Variants in CNOT4 observed in about 807,000 individuals in gnomAD.
CNOT4 encodes CCR4-associated factor 4.
CNOT4 carries 8 observed loss-of-function variants against 73.8 expected under a neutral mutation model. The ratio of observed to expected loss-of-function variants is 0.11; its 90% CI spans 0.06 to 0.20. CNOT4 has a LOEUF of 0.20. CNOT4 is among the 10% of genes least tolerant of loss of function. The probability of loss-of-function intolerance (pLI) is 1.00; values close to 1 mark genes in which losing one functional copy is unlikely to be tolerated. For synonymous variants in CNOT4, 293 were observed against 321.1 expected (o/e 0.91, Z 0.94); for missense variants, 564 against 883.4 (o/e 0.64, Z 4.58).
chr7:135,389,227 T>TC (rs201663873), intron 10 of CNOT4, among the ~76,000 whole-genome samples: 1 of 147,186 alleles, frequency 6.8e-6, no homozygotes, highest in South Asian at 2.2e-4. Context: ...TTATAGATAC[T>TC]CCTAGTAAAT....
rs150732630 is a variant in CNOT4, at chr7:135,413,696, A to C, written c.562-83T>G. On this transcript the variant is annotated intron_variant, in intron 5 of 11. Coordinates refer to ENST00000541284, the MANE Select transcript of CNOT4 (RefSeq NM_001190850.2). The stretch of plus-strand genomic sequence containing the variant: ...GAGAATCTCCATGTTTAGTGTTTTC[A>C]AGTCACCTAAAATGAGGCACAAACA... The C allele has an allele frequency of 6.1e-4, 846 of 1,395,366 alleles. 4 individuals are homozygous for C. The African/African-American group carries it at 0.011, about 18-fold the overall frequency. The allele number at this position is 1,395,366 out of a possible 1,614,324, so 86.4% of individuals were successfully genotyped here.
intron 1 of CNOT4, 184 bp downstream of exon 1, chr7:135,509,705 G>A: frequency 4.3e-6 from 1 of 233,394 alleles, no homozygotes; most frequent in Non-Finnish European, 8.3e-6. Flanking sequence ...GGTAACTGCT[G>A]TGGCGTAAAG....
intron 7 of CNOT4, among the ~76,000 whole-genome samples, chr7:135,406,805 A>G (rs955099107): frequency 6.6e-6 from 1 of 152,174 alleles, no homozygotes; most frequent in African/African-American, 2.4e-5. Context: ...CCTGCTACCA[A>G]AACAGTTATG....
At chr7:135,441,669 A>G (rs1328220475) in intron 1 of CNOT4, among the ~76,000 whole-genome samples, 2 of 152,210 alleles carry the variant, frequency 1.3e-5, no homozygotes, top group Admixed American at 6.5e-5. Flanking sequence ...TAGTGAAATA[A>G]TTTATGGAAT....
intron 1 of CNOT4, among the ~76,000 whole-genome samples, chr7:135,449,702 T>C (rs920146532): frequency 1.3e-5 from 2 of 151,978 alleles, no homozygotes; most frequent in Admixed American, 6.6e-5. Context: ...ATAACAACCC[T>C]GAAAAAATGA....
At chr7:135,483,968 C>T (rs879722953) in intron 1 of CNOT4, among the ~76,000 whole-genome samples, 17 of 152,056 alleles carry the variant, frequency 1.1e-4, no homozygotes, top group Non-Finnish European at 1.6e-4. Flanking sequence ...CCAAGGTAGG[C>T]GGATCACTTG....
At chr7:135,464,444 A>G (rs538930166) in intron 1 of CNOT4, among the ~76,000 whole-genome samples, 1 of 152,360 alleles carries the variant, frequency 6.6e-6, no homozygotes, top group South Asian at 2.1e-4. Flanking sequence ...CAGACAGCCA[A>G]ATACTGCATG....
intron 2 of CNOT4, among the ~76,000 whole-genome samples, chr7:135,424,085 ACACAC>A (rs1798357604): frequency 7.9e-6 from 1 of 126,434 alleles, no homozygotes; most frequent in Non-Finnish European, 1.7e-5. Context: ...ACACACACAC[ACACAC>A]ATTTTTTATT....
chr7:135,386,414 A>G (rs1366012092), intron 10 of CNOT4: 2 of 152,186 alleles, frequency 1.3e-5, no homozygotes, highest in Non-Finnish European at 2.9e-5. Context: ...TTTAACAACA[A>G]CAACAAAAAA....
Position 135,446,609 on chromosome 7 carries a change from A to C in CNOT4, c.-92-8186T>G, listed in dbSNP as rs115071728. Among the ~76,000 whole-genome samples, 965 of 152,254 alleles carry C rather than the reference A, an allele frequency of 6.3e-3. 16 individuals carry two copies. The highest frequency in any genetic ancestry group is 0.022 in the African/African-American group (902 of 41,546). The stretch of plus-strand genomic sequence containing the variant: ...ATATGTAGCTAGTGCAAGTCCACTG[A>C]ATACAGTTACACAGAAATAATACTC... On this transcript the variant is annotated intron_variant, in intron 1 of 11. Transcript: ENST00000541284.
At chr7:135,421,516 C>T (rs559390534) in intron 3 of CNOT4, among the ~76,000 whole-genome samples, 98 of 152,060 alleles carry the variant, frequency 6.4e-4, no homozygotes, top group African/African-American at 1.8e-3. Context: ...AGTATGAGTT[C>T]GACATTACTC....
At chr7:135,368,289 A>T (rs1289079324) in intron 10 of CNOT4, among the ~76,000 whole-genome samples, 1 of 152,126 alleles carries the variant, frequency 6.6e-6, no homozygotes, top group Non-Finnish European at 1.5e-5. Context: ...GCACTAAACA[A>T]GCTGACAAAT....
intron 1 of CNOT4, among the ~76,000 whole-genome samples, chr7:135,475,260 G>A (rs539991803): frequency 6.6e-6 from 1 of 152,264 alleles, no homozygotes; most frequent in East Asian, 1.9e-4. Context: ...CTTTCAGGGT[G>A]AAGAAACATA....
intron 1 of CNOT4, among the ~76,000 whole-genome samples, chr7:135,472,876 T>C (rs1031969424): frequency 5.9e-5 from 9 of 151,470 alleles, no homozygotes; most frequent in Non-Finnish European, 1.0e-4. Context: ...CCTGTCTCTA[T>C]AAAAAAACCA....
At chr7:135,366,375 C>T (rs1794915963) in intron 10 of CNOT4, among the ~76,000 whole-genome samples, 1 of 151,776 alleles carries the variant, frequency 6.6e-6, no homozygotes, top group African/African-American at 2.4e-5. Flanking sequence ...CCGTACTTCC[C>T]ACTCAGTTTT....
chr7:135,454,544 C>G (rs1046036058), intron 1 of CNOT4, among the ~76,000 whole-genome samples: 1 of 151,192 alleles, frequency 6.6e-6, no homozygotes, highest in Non-Finnish European at 1.5e-5. Context: ...TGCGGTGGTA[C>G]GCACCTGTGG....
At chr7:135,442,443 A>C (rs1799535141) in intron 1 of CNOT4, among the ~76,000 whole-genome samples, 1 of 151,902 alleles carries the variant, frequency 6.6e-6, no homozygotes, top group Non-Finnish European at 1.5e-5. Context: ...CTAAAAATAC[A>C]AAAAAATTAG....
At chr7:135,384,595 CTT>C (rs1796026337) in intron 10 of CNOT4, 2 of 749,036 alleles carry the variant, frequency 2.7e-6, no homozygotes, top group East Asian at 2.5e-5. Context: ...ACCCACCTCT[CTT>C]AAGCTATACC....
intron 1 of CNOT4, among the ~76,000 whole-genome samples, chr7:135,466,303 G>A (rs1215702458): frequency 6.6e-6 from 1 of 150,822 alleles, no homozygotes; most frequent in Non-Finnish European, 1.5e-5. Context: ...CCAACAACAT[G>A]TCTCTACTAA....
Sources: gnomAD v4.1 joint callset for allele counts (sites outside exome capture counted in the v4.1 genomes callset) on GRCh38, gnomAD v4.1.1 for gene constraint, MANE v1.5 for transcripts, NCBI Gene and HGNC (gene_info 2026-07-23, HGNC 2026-07-21) for gene names.